Variants in GON4L observed in about 807,000 individuals in gnomAD.
GON4L encodes GON-4-like protein.
GON4L carries 87 observed loss-of-function variants against 211.8 expected under a neutral mutation model. The ratio of observed to expected loss-of-function variants is 0.41; its 90% CI spans 0.35 to 0.49. GON4L has a LOEUF of 0.49. Ranked by LOEUF, GON4L falls within the 20% of genes least tolerant of loss-of-function variation. The pLI, the probability that GON4L is intolerant of heterozygous loss-of-function variation, is 0.15. For missense variants in GON4L, 2,155 were observed against 2,659.5 expected, an observed-to-expected ratio of 0.81 and a Z score of 4.17; for synonymous variants, 875 against 962.6, an observed-to-expected ratio of 0.91 and a Z score of 1.68.
intron 2 of GON4L, among the ~76,000 whole-genome samples, chr1:155,849,368 C>T (rs1671555801): frequency 6.6e-6 from 1 of 151,708 alleles, no homozygotes; most frequent in Non-Finnish European, 1.5e-5. Flanking sequence ...CATGGTGAAA[C>T]CCTGCCTCTA....
At chr1:155,785,007 G>A (rs763630798) in intron 13 of GON4L, 7 of 390,126 alleles carry the variant, frequency 1.8e-5, no homozygotes, top group Middle Eastern at 8.4e-4. Flanking sequence ...AGGCTTAGAC[G>A]AAGGACTGCT....
intron 19 of GON4L, among the ~76,000 whole-genome samples, chr1:155,768,258 A>G (rs1662761810): frequency 6.7e-6 from 1 of 150,132 alleles, no homozygotes; most frequent in Admixed American, 6.7e-5. Context: ...AGCTGAGATC[A>G]GAGACAGTGC....
At chr1:155,799,730 C>CA (rs1366269952) in intron 11 of GON4L, among the ~76,000 whole-genome samples, 1 of 152,176 alleles carries the variant, frequency 6.6e-6, no homozygotes, top group African/African-American at 2.4e-5. Flanking sequence ...TTATGAGAAA[C>CA]AAAATCCTGA....
At chr1:155,855,710 C>T (rs1252790030) in intron 1 of GON4L, among the ~76,000 whole-genome samples, 1 of 152,122 alleles carries the variant, frequency 6.6e-6, no homozygotes, top group Non-Finnish European at 1.5e-5. Context: ...TGGCTTGGTG[C>T]AGTGGCTCAC....
chr1:155,818,568 A>T (rs185363404), intron 6 of GON4L, among the ~76,000 whole-genome samples: 1 of 152,352 alleles, frequency 6.6e-6, no homozygotes, highest in African/African-American at 2.4e-5. Context: ...GACCAAAAAA[A>T]GTGATGTGAT....
At chr1:155,791,872 AATAAC>A (rs200057412) in intron 12 of GON4L, among the ~76,000 whole-genome samples, 80 of 119,298 alleles carry the variant, frequency 6.7e-4, no homozygotes, top group African/African-American at 2.4e-3. Flanking sequence ...CCATCTCAAA[AATAAC>A]ATAACATAAC....
chr1:155,800,028 C>A (rs1408572045), intron 11 of GON4L, among the ~76,000 whole-genome samples: 1 of 152,080 alleles, frequency 6.6e-6, no homozygotes, highest in Non-Finnish European at 1.5e-5. Flanking sequence ...TGGAGAAACC[C>A]CATCTCTACT....
downstream of GON4L, chr1:155,749,319 T>C: frequency 6.2e-7 from 1 of 1,612,452 alleles, no homozygotes; most frequent in Non-Finnish European, 8.5e-7. Flanking sequence ...TTGGCTTTGT[T>C]ATGGCAGCCA....
At chr1:155,796,283 CTTT>C (rs368237326) in intron 11 of GON4L, among the ~76,000 whole-genome samples, 2 of 142,882 alleles carry the variant, frequency 1.4e-5, no homozygotes, top group African/African-American at 2.6e-5. Context: ...TTTCTTTTTT[CTTT>C]TTTTTTTTTG....
chr1:155,840,096 T>C (rs1472426037), intron 2 of GON4L, among the ~76,000 whole-genome samples: 1 of 152,248 alleles, frequency 6.6e-6, no homozygotes, highest in Non-Finnish European at 1.5e-5. Flanking sequence ...TAGAGGTCTA[T>C]AAAAGCAATG....
chr1:155,850,789 G>A (rs927984980), intron 2 of GON4L, among the ~76,000 whole-genome samples: 7 of 152,044 alleles, frequency 4.6e-5, no homozygotes, highest in Non-Finnish European at 7.3e-5. Context: ...AGTGGTTCAC[G>A]CCTGTAATCC....
chr1:155,826,561 C>T (rs1243612845), intron 3 of GON4L, among the ~76,000 whole-genome samples: 10 of 141,284 alleles, frequency 7.1e-5, no homozygotes, highest in Admixed American at 3.0e-4. Flanking sequence ...AACAAAACTC[C>T]GTCTCAAAAA....
At position 155,753,188 on chromosome 1, in the gene GON4L, T is replaced by G. The variant is rs375019691; in HGVS notation, c.5842+16A>C. On this transcript the variant is annotated intron_variant, in intron 29 of 31. Coordinates refer to ENST00000368331, the MANE Select transcript of GON4L (RefSeq NM_001282860.2). ...GAGACTGAGGAACAGAAGGGCTGCG[T>G]TGGCAAATCACTCACCTGAAACAGG... 1.3e-6 allele frequency: 2 copies of G among 1,583,372 alleles called. No individual in the cohort carries two copies. The highest frequency in any genetic ancestry group is 2.3e-5 in the East Asian group (1 of 43,584).
At chr1:155,824,762 CAAAA>C (rs58791710) in intron 3 of GON4L, among the ~76,000 whole-genome samples, 12 of 52,104 alleles carry the variant, frequency 2.3e-4, no homozygotes, top group Non-Finnish European at 3.0e-4. Flanking sequence ...GACTCTGTCG[CAAAA>C]AAAAAAAAAA....
intron 2 of GON4L, among the ~76,000 whole-genome samples, chr1:155,850,304 G>A (rs970996265): frequency 2.6e-5 from 4 of 152,110 alleles, no homozygotes; most frequent in African/African-American, 7.2e-5. Context: ...TTGTGTAGAA[G>A]ATTAGCAGTG....
chr1:155,823,091 G>C (rs1370172343), intron 3 of GON4L, among the ~76,000 whole-genome samples: 1 of 151,908 alleles, frequency 6.6e-6, no homozygotes, highest in East Asian at 1.9e-4. Context: ...CACCACGCCC[G>C]GCTAATTTTG....
At chr1:155,852,410 C>T (rs1240212484) in intron 2 of GON4L, among the ~76,000 whole-genome samples, 1 of 152,134 alleles carries the variant, frequency 6.6e-6, no homozygotes. Flanking sequence ...CCATACACAT[C>T]TCCAGACACA....
chr1:155,767,293 G>C (rs928945521), intron 20 of GON4L, 132 bp downstream of exon 20: 25 of 1,589,018 alleles, frequency 1.6e-5, no homozygotes, highest in Non-Finnish European at 7.7e-6. Context: ...AGGGAAGAAA[G>C]GTGAATCAGG....
chr1:155,766,265 C>A lies in GON4L; in HGVS notation c.3208G>T (p.Ala1070Ser), dbSNP rs903716163. ...VSGGESFESP[A>S]ALPAVPPEAR... ...TCAGGGGGCACAGCAGGCAGTGCTG[C>A]AGGAGACTCAAAACTCTCACCTCCA... The change falls in exon 21 of 32, where the codon GCA becomes TCA. Residue 1070 changes from alanine to serine, a missense_variant. Physicochemically the swap from Ala to Ser is moderately conservative, Grantham distance 99. Around this residue, in one of 6 missense-constraint regions of GON4L, gnomAD observed 615 missense variants for 625.7 expected, o/e 0.98. Coordinates refer to ENST00000368331, the MANE Select transcript of GON4L (RefSeq NM_001282860.2). 1.2e-6 allele frequency: 2 copies of A among 1,614,020 alleles called. No individual in the cohort carries two copies. The highest frequency in any genetic ancestry group is 1.7e-6 in the Non-Finnish European group (2 of 1,180,046).
Sources: gnomAD v4.1 joint callset for allele counts (sites outside exome capture counted in the v4.1 genomes callset) on GRCh38, gnomAD v4.1.1 for gene constraint, gnomAD v4.1.1 regional missense constraint, MANE v1.5 for transcripts, NCBI Gene and HGNC (gene_info 2026-07-23, HGNC 2026-07-21) for gene names.